STK32B: variants seen among roughly 807,000 people sequenced by gnomAD.
The protein encoded by STK32B is serine/threonine kinase 32B.
A neutral mutation model predicts 52.6 loss-of-function variants in STK32B; 43 were observed. The ratio of observed to expected loss-of-function variants is 0.82; its 90% confidence interval spans 0.64 to 1.05. The LOEUF is 1.05. Ranked by LOEUF, STK32B falls within the 50% of genes least tolerant of loss-of-function variation. The pLI is 0.00. For missense variants in STK32B, 621 were observed against 534.6 expected, an observed-to-expected ratio of 1.16 and a Z score of -1.59; for synonymous variants, 238 against 204.3, an observed-to-expected ratio of 1.17 and a Z score of -1.41.
intron 3 of STK32B, among the ~76,000 whole-genome samples, chr4:5,198,722 C>CA (rs1475853123): frequency 6.6e-6 from 1 of 152,190 alleles, no homozygotes; most frequent in East Asian, 1.9e-4. Context: ...AGGAAGGCGG[C>CA]ACCTGGCAGA....
chr4:5,106,211 A>G (rs992922503), intron 1 of STK32B, among the ~76,000 whole-genome samples: 34 of 152,224 alleles, frequency 2.2e-4, no homozygotes, highest in Admixed American at 1.8e-3. Context: ...CTGATGCAGG[A>G]GAATCACTTG....
At chr4:5,244,792 GT>G (rs1266979567) in intron 3 of STK32B, among the ~76,000 whole-genome samples, 2 of 152,114 alleles carry the variant, frequency 1.3e-5, no homozygotes, top group African/African-American at 2.4e-5. Flanking sequence ...GTTCTCACTG[GT>G]TTCAAAGAAC....
In STK32B at chr4:5,368,651, A is replaced by AGTGAGTCTTAAGAT. The variant is rs1688452075; in HGVS notation, c.435-29554_435-29553insGAGTCTTAAGATGT. Among the ~76,000 whole-genome samples, 3 of 152,326 alleles carry AGTGAGTCTTAAGAT rather than the reference A, an allele frequency of 2.0e-5. No homozygotes were observed. The South Asian group carries it at 6.2e-4, about 32-fold the overall frequency. ...GTGGTCGATGGCCTCATCTCTCATG[A>AGTGAGTCTTAAGAT]GTCATGAGTGAGTTCTTAAGAGGGC... On this transcript the variant is annotated intron_variant, in intron 4 of 11. Coordinates refer to ENST00000282908, the MANE Select transcript of STK32B (RefSeq NM_018401.3).
intron 3 of STK32B, among the ~76,000 whole-genome samples, chr4:5,171,544 G>A (rs1278197565): frequency 6.6e-6 from 1 of 152,104 alleles, no homozygotes. Flanking sequence ...AGTTTTCCCA[G>A]CACCATTTAT....
At position 5,051,744 on chromosome 4, in the gene STK32B, G is replaced by A. The variant is rs1338728656; in HGVS notation, c.-120G>A. ...ACGGTGCTCGGCCCCCTCGGGCTCCGCGCGCGGCTACAACCCGGACTGGGC... is the reference window on the plus strand; with the variant it reads ...ACGGTGCTCGGCCCCCTCGGGCTCCACGCGCGGCTACAACCCGGACTGGGC... On this transcript the variant is annotated 5_prime_UTR_variant, in exon 1 of 12. Coordinates refer to ENST00000282908, the MANE Select transcript of STK32B (RefSeq NM_018401.3). 2.1e-6 allele frequency: 3 copies of A among 1,403,420 alleles called. No homozygotes were observed. Among genetic ancestry groups the A allele is most frequent in the Non-Finnish European group, 2.9e-6 (3 of 1,037,512 alleles). 86.9% of individuals were successfully genotyped at this position (1,403,420 alleles called of 1,614,324 possible). A position where few individuals can be genotyped will look rare whatever the true frequency, so the allele number is the denominator to read the frequency against.
intron 2 of STK32B, among the ~76,000 whole-genome samples, chr4:5,149,737 A>C (rs1455814725): frequency 1.3e-5 from 2 of 151,774 alleles, no homozygotes; most frequent in African/African-American, 4.8e-5. Flanking sequence ...TGTATAATTA[A>C]ATAGAAATAA....
At chr4:5,333,878 A>G (rs1340172245) in intron 4 of STK32B, among the ~76,000 whole-genome samples, 2 of 152,060 alleles carry the variant, frequency 1.3e-5, no homozygotes, top group Non-Finnish European at 2.9e-5. Context: ...GGTTACTGTA[A>G]CCTTGTAGTA....
intron 4 of STK32B, among the ~76,000 whole-genome samples, chr4:5,347,259 AC>A (rs1258282171): frequency 6.6e-6 from 1 of 152,218 alleles, no homozygotes; most frequent in Non-Finnish European, 1.5e-5. Context: ...TTGGCTAAAG[AC>A]AGCTGGCACC....
rs1345610273 is a variant in STK32B at position 5,487,845 on chromosome 4, T to C, written c.1107-11100T>C. On this transcript the variant is annotated intron_variant, in intron 11 of 11. Transcript: ENST00000282908. ...TTTGCAGTTTAAATGTCTCTGGTTA[T>C]GGCATCAGGAAGCTTGGTGAACCTT... 2.0e-5 allele frequency among the ~76,000 whole-genome samples: 3 copies of C among 152,194 alleles called. No individual in the cohort carries two copies. In the East Asian group the frequency reaches 5.8e-4, roughly 29 times the overall value.
chr4:5,423,898 C>T (rs538674632), intron 6 of STK32B, among the ~76,000 whole-genome samples: 71 of 152,242 alleles, frequency 4.7e-4, no homozygotes, highest in Admixed American at 1.9e-3. Context: ...AGCCCCGCCG[C>T]CCCCTTGTGA....
In STK32B at chr4:5,469,045, C is replaced by G. The variant is rs539525757; in HGVS notation, c.1106+975C>G. On this transcript the variant is annotated intron_variant, in intron 11 of 11. Coordinates refer to ENST00000282908, the MANE Select transcript of STK32B (RefSeq NM_018401.3). This position sits in a 1 kb window ranked among gnomAD's most constrained non-coding sequence, Gnocchi z 4.7. ...CAGCCTGGGCGACAGAGCAAGACTC[C>G]GTCTCAAAAAAAAAAAAAAAAATTA... is the stretch of plus-strand genomic sequence containing the variant. Among the ~76,000 whole-genome samples, 1 of 125,504 alleles carries G rather than the reference C, an allele frequency of 8.0e-6. No homozygotes were observed. Among genetic ancestry groups the G allele is most frequent in the African/African-American group, 3.2e-5 (1 of 30,964 alleles). The allele number at this position is 125,504 out of a possible 152,430, so 82.3% of individuals were successfully genotyped here. A position where few individuals can be genotyped will look rare whatever the true frequency, so the allele number is the denominator to read the frequency against.
intron 1 of STK32B, among the ~76,000 whole-genome samples, chr4:5,070,632 C>T (rs926397037): frequency 2.0e-5 from 3 of 152,118 alleles, no homozygotes; most frequent in Admixed American, 1.3e-4. Context: ...CCAATACAAT[C>T]CAAGTGGTGT....
Position 5,185,086 on chromosome 4 carries a change from G to A in STK32B, c.260+16636G>A, listed in dbSNP as rs370733044. 8.6e-4 allele frequency among the ~76,000 whole-genome samples: 131 copies of A among 152,316 alleles called. 1 individual carries two copies. The highest frequency in any genetic ancestry group is 2.6e-3 in the African/African-American group (110 of 41,564). ...CGGCCTTTTGGAAAATGTGTCTTGC[G>A]TTTTTAGCATTAGACTGTTATCCTG... On this transcript the variant is annotated intron_variant, in intron 3 of 11. Coordinates refer to ENST00000282908, the MANE Select transcript of STK32B (RefSeq NM_018401.3).
intron 3 of STK32B, among the ~76,000 whole-genome samples, chr4:5,303,811 A>C (rs541232745): frequency 6.6e-6 from 1 of 152,230 alleles, no homozygotes; most frequent in African/African-American, 2.4e-5. Flanking sequence ...GTGTAGTTTC[A>C]GGTCTTAGAT....
At chr4:5,478,672 C>T (rs938414982) in intron 11 of STK32B, among the ~76,000 whole-genome samples, 1 of 152,192 alleles carries the variant, frequency 6.6e-6, no homozygotes, top group African/African-American at 2.4e-5. Flanking sequence ...TACAAAGAAT[C>T]GTTTACATGG....
chr4:5,078,189 T>C lies in STK32B; in HGVS notation c.52+26274T>C, dbSNP rs76664209. 2.0e-3 allele frequency among the ~76,000 whole-genome samples: 306 copies of C among 152,238 alleles called. 9 individuals are homozygous for C. In the East Asian group the frequency reaches 0.052, roughly 26 times the overall value. On this transcript the variant is annotated intron_variant, in intron 1 of 11. Transcript: ENST00000282908. ...ACTTCCTGGAAGCTATGTGCAGACT[T>C]CCCCTTGTAGCTCATTGGTCAAAAG...
chr4:5,320,549 A>G (rs1479899502), intron 3 of STK32B, among the ~76,000 whole-genome samples: 1 of 152,226 alleles, frequency 6.6e-6, no homozygotes, highest in Admixed American at 6.5e-5. Context: ...TAACAATGTG[A>G]TATCAGGTCA....
At chr4:5,338,196 T>C (rs1200649687) in intron 4 of STK32B, among the ~76,000 whole-genome samples, 1 of 152,176 alleles carries the variant, frequency 6.6e-6, no homozygotes, top group African/African-American at 2.4e-5. Flanking sequence ...CTATTGGCTC[T>C]TTGAACTATT....
At chr4:5,435,219 T>A (rs1713950400) in intron 6 of STK32B, among the ~76,000 whole-genome samples, 1 of 152,206 alleles carries the variant, frequency 6.6e-6, no homozygotes, top group Admixed American at 6.5e-5. Flanking sequence ...GTTGTTGTTG[T>A]TTCATGGAAG....
Sources: gnomAD v4.1 joint callset for allele counts (sites outside exome capture counted in the v4.1 genomes callset) on GRCh38, gnomAD v4.1.1 for gene constraint, Gnocchi (gnomAD v3.1) non-coding constraint, MANE v1.5 for transcripts, NCBI Gene and HGNC (gene_info 2026-07-23, HGNC 2026-07-21) for gene names.